The following PLCH1 variants were observed in gnomAD, a reference collection of about 807,000 sequenced individuals.
The protein encoded by PLCH1 is 1-phosphatidylinositol 4,5-bisphosphate phosphodiesterase eta-1.
A neutral mutation model predicts 126.7 loss-of-function variants in PLCH1; 60 were observed. The ratio of observed to expected loss-of-function variants is 0.47; its 90% CI spans 0.38 to 0.59. The LOEUF (loss-of-function observed/expected upper bound fraction) is 0.59. PLCH1 is among the 20% of genes least tolerant of loss of function. The pLI, the probability that PLCH1 is intolerant of heterozygous loss-of-function variation, is 0.00. For missense variants in PLCH1, 1,723 were observed against 2,040.0 expected, an observed-to-expected ratio of 0.84 and a Z score of 2.99; for synonymous variants, 719 against 734.9, an observed-to-expected ratio of 0.98 and a Z score of 0.35.
Position 155,627,456 on chromosome 3 carries a change from C to T in PLCH1, c.80-31078G>A, listed in dbSNP as rs1577183258. 2.1e-5 allele frequency among the ~76,000 whole-genome samples: 3 copies of T among 140,348 alleles called. No homozygotes were observed. In the East Asian group the frequency reaches 6.6e-4, roughly 31 times the overall value. The allele number at this position is 140,348 out of a possible 152,430, so 92.1% of individuals were successfully genotyped here. A position where few individuals can be genotyped will look rare whatever the true frequency, so the allele number is the denominator to read the frequency against. On this transcript the variant is annotated intron_variant, in intron 2 of 22. Coordinates refer to ENST00000460012, the MANE Select transcript of PLCH1 (RefSeq NM_014996.4). ...CCATCCTGGCTAACATGGTGAAACCCCGTCTCTACCAAAAATACAAAAAAA... is the reference window on the plus strand; with the variant it reads ...CCATCCTGGCTAACATGGTGAAACCTCGTCTCTACCAAAAATACAAAAAAA...
At chr3:155,486,173 T>C (rs1387846157) in intron 21 of PLCH1, 8 of 1,547,210 alleles carry the variant, frequency 5.2e-6, no homozygotes, top group South Asian at 2.4e-5. Context: ...AAGTGCAATA[T>C]AGTATAACTG....
chr3:155,516,467 T>C (rs998330400), intron 11 of PLCH1, among the ~76,000 whole-genome samples: 1 of 152,314 alleles, frequency 6.6e-6, no homozygotes, highest in Admixed American at 6.5e-5. Context: ...ACATGAGTTT[T>C]CCTAGAGTTC....
chr3:155,574,071 G>A (rs964558536), intron 6 of PLCH1, among the ~76,000 whole-genome samples: 3 of 151,920 alleles, frequency 2.0e-5, no homozygotes, highest in African/African-American at 7.3e-5. Flanking sequence ...GCATCACCAC[G>A]CCCAGATAAT....
At chr3:155,738,879 A>T (rs1414150811) in intron 1 of PLCH1, among the ~76,000 whole-genome samples, 1 of 151,998 alleles carries the variant, frequency 6.6e-6, no homozygotes. Context: ...TGAGCCCTGG[A>T]GGTGGAGGCT....
chr3:155,685,136 A>G (rs1457240327), intron 2 of PLCH1, among the ~76,000 whole-genome samples: 2 of 152,184 alleles, frequency 1.3e-5, no homozygotes, highest in African/African-American at 4.8e-5. Flanking sequence ...CAGATTCTGG[A>G]TAGTTTTCCA....
At chr3:155,469,808 A>C (rs981711112) in intron 21 of PLCH1, among the ~76,000 whole-genome samples, 3 of 152,066 alleles carry the variant, frequency 2.0e-5, no homozygotes, top group Admixed American at 6.5e-5. Context: ...ACCCCCCAGC[A>C]GGGGCACACT....
intron 2 of PLCH1, among the ~76,000 whole-genome samples, chr3:155,699,746 A>G (rs1250184660): frequency 1.3e-5 from 2 of 151,880 alleles, no homozygotes; most frequent in South Asian, 2.1e-4. Context: ...TTTGAATATA[A>G]TCACATTTGT....
intron 1 of PLCH1, among the ~76,000 whole-genome samples, chr3:155,707,658 C>T (rs1746779037): frequency 7.6e-6 from 1 of 132,310 alleles, no homozygotes; most frequent in Non-Finnish European, 1.6e-5. Context: ...AACAAAACTC[C>T]ATCTCAAAAA....
At position 155,464,717 on chromosome 3, in the gene PLCH1, G is replaced by A. The variant is rs1712865121; in HGVS notation, c.2938+20639C>T. ...ATCCAAAGCTTTTATTAAAATTTAA[G>A]CTTTACTACTGCCTCTTCCTTATTA... On this transcript the variant is annotated intron_variant, in intron 21 of 21. Coordinates refer to the PLCH1 transcript ENST00000494598. 2.6e-5 allele frequency among the ~76,000 whole-genome samples: 4 copies of A among 152,090 alleles called. No homozygotes were observed. The South Asian group carries it at 8.3e-4, about 32-fold the overall frequency.
chr3:155,585,939 AAAAAT>A, intron 5 of PLCH1, 121 bp downstream of exon 5: 1 of 652,402 alleles, frequency 1.5e-6, no homozygotes. Flanking sequence ...TTCATCAAAG[AAAAAT>A]AAAACAGTAC....
At chr3:155,473,408 G>A (rs1272598206) in intron 21 of PLCH1, among the ~76,000 whole-genome samples, 1 of 152,154 alleles carries the variant, frequency 6.6e-6, no homozygotes, top group African/African-American at 2.4e-5. Flanking sequence ...ACAAACTGCT[G>A]CTCAAGGAAA....
chr3:155,529,581 TA>T (rs918198047), intron 10 of PLCH1, among the ~76,000 whole-genome samples: 1 of 152,044 alleles, frequency 6.6e-6, no homozygotes, highest in African/African-American at 2.4e-5. Flanking sequence ...GTATTACGTC[TA>T]AAAAAAGTAC....
At chr3:155,655,189 A>T (rs1375253919) in intron 2 of PLCH1, among the ~76,000 whole-genome samples, 1 of 152,100 alleles carries the variant, frequency 6.6e-6, no homozygotes, top group East Asian at 1.9e-4. Context: ...TAATCTCAGC[A>T]CTCTGGGAGG....
intron 1 of PLCH1, among the ~76,000 whole-genome samples, chr3:155,744,573 T>G (rs558916088): frequency 1.3e-5 from 2 of 151,662 alleles, no homozygotes; most frequent in South Asian, 2.1e-4. Context: ...GACCCGAGAG[T>G]TACATTATTT....
At chr3:155,472,831 A>G (rs562495278) in intron 21 of PLCH1, among the ~76,000 whole-genome samples, 1 of 151,682 alleles carries the variant, frequency 6.6e-6, no homozygotes, top group East Asian at 1.9e-4. Flanking sequence ...CAAAAACCAC[A>G]TGATTATCTC....
chr3:155,655,351 A>G (rs1346310283), intron 2 of PLCH1, among the ~76,000 whole-genome samples: 4 of 152,070 alleles, frequency 2.6e-5, no homozygotes, highest in Admixed American at 6.6e-5. Context: ...CGATCATTCA[A>G]GCCCAGGAGG....
chr3:155,593,588 G>C (rs960673140), intron 4 of PLCH1, among the ~76,000 whole-genome samples: 9 of 152,132 alleles, frequency 5.9e-5, no homozygotes, highest in Non-Finnish European at 1.2e-4. Flanking sequence ...TGTTTTCCCA[G>C]TTACAGTTAA....
intron 2 of PLCH1, among the ~76,000 whole-genome samples, chr3:155,610,458 G>C (rs560469563): frequency 3.3e-5 from 5 of 150,260 alleles, no homozygotes; most frequent in African/African-American, 1.2e-4. Context: ...TAAGAGCTGT[G>C]AGGAAAAACC....
At chr3:155,598,409 C>T (rs999063326) in intron 2 of PLCH1, among the ~76,000 whole-genome samples, 8 of 152,096 alleles carry the variant, frequency 5.3e-5, no homozygotes, top group Non-Finnish European at 8.8e-5. Flanking sequence ...TCAAACCAAC[C>T]AAGCCAAAAT....
Sources: gnomAD v4.1 joint callset for allele counts (sites outside exome capture counted in the v4.1 genomes callset) on GRCh38, gnomAD v4.1.1 for gene constraint, MANE v1.5 for transcripts, NCBI Gene and HGNC (gene_info 2026-07-23, HGNC 2026-07-21) for gene names.